RORB: variants seen among roughly 807,000 people sequenced by gnomAD.
The protein encoded by RORB is RAR related orphan receptor B.
Under a neutral mutation model 59.1 loss-of-function variants are expected in RORB, and 6 were observed. The observed-to-expected ratio is 0.10, with a 90% CI of 0.06 to 0.20. The LOEUF (loss-of-function observed/expected upper bound fraction) is 0.20. Ranked by LOEUF, RORB falls within the 10% of genes least tolerant of loss-of-function variation. The pLI is 1.00. For missense variants in RORB, 320 were observed against 560.5 expected (o/e 0.57, Z 4.33); for synonymous variants, 215 against 204.5 (o/e 1.05, Z -0.44).
chr9:74,584,981 C>T (rs1195957066), intron 1 of RORB, among the ~76,000 whole-genome samples: 2 of 152,162 alleles, frequency 1.3e-5, no homozygotes, highest in Non-Finnish European at 2.9e-5. Context: ...ATGATACACC[C>T]AGGGCTCAGG....
intron 1 of RORB, among the ~76,000 whole-genome samples, chr9:74,500,828 C>T (rs1017563455): frequency 6.6e-5 from 10 of 152,144 alleles, no homozygotes; most frequent in African/African-American, 2.4e-4. Flanking sequence ...AACTGAGTCC[C>T]GGACACAGCG....
chr9:74,644,861 G>A lies in RORB; in HGVS notation c.637+2046G>A, dbSNP rs142139050. On this transcript the variant is annotated intron_variant, in intron 4 of 9. Transcript: ENST00000376896. ...TTTAGCAACCACATTAAATATTATG[G>A]AAAGAGAACTACAGCCAAACCATCA... is the stretch of plus-strand genomic sequence containing the variant. Among the ~76,000 whole-genome samples, 5 of 152,164 alleles carry A rather than the reference G, an allele frequency of 3.3e-5. No individual in the cohort carries two copies. The East Asian group carries it at 7.7e-4, about 23-fold the overall frequency.
At chr9:74,672,045 T>C in intron 9 of RORB, 144 bp downstream of exon 9, 1 of 546,932 alleles carries the variant, frequency 1.8e-6, no homozygotes, top group South Asian at 2.6e-5. Flanking sequence ...GTATGCAATT[T>C]AAAAGAGAGG....
chr9:74,598,551 TTG>T (rs979823843), intron 1 of RORB, among the ~76,000 whole-genome samples: 21 of 152,226 alleles, frequency 1.4e-4, no homozygotes, highest in Non-Finnish European at 2.5e-4. Flanking sequence ...GGGTACAAAG[TTG>T]TGTTATGATT....
At chr9:74,536,896 C>T (rs1180945334) in intron 1 of RORB, among the ~76,000 whole-genome samples, 4 of 152,002 alleles carry the variant, frequency 2.6e-5, no homozygotes, top group Admixed American at 6.6e-5. Flanking sequence ...AGTGTGTTAA[C>T]TATCCCCATG....
chr9:74,658,658 T>G (rs1468360137), intron 4 of RORB, among the ~76,000 whole-genome samples: 1 of 152,084 alleles, frequency 6.6e-6, no homozygotes, highest in East Asian at 1.9e-4. Flanking sequence ...AGCTATAAAA[T>G]CTTTTGTTAA....
rs550881008 is a variant in RORB at position 74,512,768 on chromosome 9, T to C, written c.7+14785T>C. Among the ~76,000 whole-genome samples, 5 of 152,262 alleles carry C rather than the reference T, an allele frequency of 3.3e-5. No homozygotes were observed. In the South Asian group the frequency reaches 1.0e-3, roughly 32 times the overall value. On this transcript the variant is annotated intron_variant, in intron 1 of 9. Transcript: ENST00000376896. ...TTAGGATCCTCAGTTTTTTTGTGTA[T>C]TCTCTGAGAAAGCTGCTTCCTCTTT...
rs113078192 is a variant in RORB, at chr9:74,662,205, A to G, written c.760-269A>G. ...AGGAGGAAAAAGAGTAAAGAAAATA[A>G]CAAAGCTATCCTTACTTACTATAAA... is the stretch of plus-strand genomic sequence containing the variant. On this transcript the variant is annotated intron_variant, in intron 5 of 9. Coordinates refer to ENST00000376896, the MANE Select transcript of RORB (RefSeq NM_006914.4). Among the ~76,000 whole-genome samples the G allele has an allele frequency of 6.2e-3, 941 of 152,318 alleles. 10 individuals carry two copies. The highest frequency in any genetic ancestry group is 0.022 in the African/African-American group (902 of 41,562).
intron 1 of RORB, among the ~76,000 whole-genome samples, chr9:74,539,543 G>A (rs952870776): frequency 1.3e-5 from 2 of 152,124 alleles, no homozygotes; most frequent in African/African-American, 4.8e-5. Context: ...TCGAGACACT[G>A]TTTTAAAGTA....
chr9:74,568,681 CAAAG>C (rs1822504187), intron 1 of RORB, among the ~76,000 whole-genome samples: 1 of 84,690 alleles, frequency 1.2e-5, no homozygotes, highest in African/African-American at 4.3e-5. Context: ...GCCTGGGCGA[CAAAG>C]AAAGACTCCA....
chr9:74,529,254 G>C (rs1363467588), intron 1 of RORB, among the ~76,000 whole-genome samples: 1 of 151,496 alleles, frequency 6.6e-6, no homozygotes, highest in Non-Finnish European at 1.5e-5. Flanking sequence ...AATTAGGGAA[G>C]AAAGGAAAGA....
At chr9:74,632,997 T>C (rs547927056) in intron 2 of RORB, among the ~76,000 whole-genome samples, 2 of 152,244 alleles carry the variant, frequency 1.3e-5, no homozygotes, top group East Asian at 3.9e-4. Flanking sequence ...TAGTCCCTGT[T>C]GAATGGCTAA....
chr9:74,569,210 A>T (rs961803223), intron 1 of RORB, among the ~76,000 whole-genome samples: 2 of 152,110 alleles, frequency 1.3e-5, no homozygotes, highest in African/African-American at 4.8e-5. Flanking sequence ...GAGGTCATTA[A>T]TTAATACAAT....
chr9:74,614,114 T>C (rs1563953032), intron 1 of RORB, among the ~76,000 whole-genome samples: 2 of 152,190 alleles, frequency 1.3e-5, no homozygotes, highest in Non-Finnish European at 2.9e-5. Flanking sequence ...CTGGGTTGAA[T>C]GACAGTACTG....
intron 1 of RORB, among the ~76,000 whole-genome samples, chr9:74,593,885 G>T (rs1031147489): frequency 7.9e-5 from 12 of 152,148 alleles, no homozygotes; most frequent in African/African-American, 2.9e-4. Flanking sequence ...AAAAGACCTA[G>T]GTCTTGATAT....
At position 74,665,658 on chromosome 9, in the gene RORB, GA is replaced by G. The variant is rs1587414367; in HGVS notation, c.1000+66del. 9.7e-6 allele frequency: 10 copies of G among 1,032,676 alleles called. No homozygotes were observed. In the East Asian group the frequency reaches 2.4e-4, roughly 25 times the overall value. The allele number at this position is 1,032,676 out of a possible 1,614,324, so 64.0% of individuals were successfully genotyped here. A position where few individuals can be genotyped will look rare whatever the true frequency, so the allele number is the denominator to read the frequency against. ...CACCATCAGTTTCTCCACTTAGATT[GA>G]AATTGGTAAATGAAATGCCTTGATT... is the stretch of plus-strand genomic sequence containing the variant. On this transcript the variant is annotated intron_variant, in intron 7 of 9. Transcript: ENST00000376896.
intron 1 of RORB, among the ~76,000 whole-genome samples, chr9:74,569,078 A>C (rs1452323621): frequency 1.3e-5 from 2 of 152,108 alleles, no homozygotes; most frequent in African/African-American, 4.8e-5. Context: ...TAAACCATTG[A>C]TATATTATAG....
intron 4 of RORB, among the ~76,000 whole-genome samples, chr9:74,643,136 TG>T (rs1317975353): frequency 6.6e-6 from 1 of 152,202 alleles, no homozygotes; most frequent in Non-Finnish European, 1.5e-5. Context: ...AATTTCGGCA[TG>T]TATTCAAAGT....
chr9:74,507,028 C>G (rs1032905659), intron 1 of RORB, among the ~76,000 whole-genome samples: 1 of 152,010 alleles, frequency 6.6e-6, no homozygotes, highest in Admixed American at 6.6e-5. Context: ...CCTGATTAAA[C>G]AGCTATTTAA....
Sources: gnomAD v4.1 joint callset for allele counts (sites outside exome capture counted in the v4.1 genomes callset) on GRCh38, gnomAD v4.1.1 for gene constraint, MANE v1.5 for transcripts, NCBI Gene and HGNC (gene_info 2026-07-23, HGNC 2026-07-21) for gene names.